The following SH3GL2 variants were observed in gnomAD, a reference collection of about 807,000 sequenced individuals.
SH3GL2 encodes the protein SH3 domain containing GRB2 like 2, endophilin A1.
SH3GL2 carries 24 observed loss-of-function variants against 46.0 expected under a neutral mutation model. The observed-to-expected ratio is 0.52, with a 90% CI of 0.38 to 0.73. The LOEUF (loss-of-function observed/expected upper bound fraction) is 0.73, where lower values mean the gene tolerates loss of function less well. Among genes scored for constraint, SH3GL2 ranks in the 30% least tolerant of loss-of-function variants. The pLI is 0.00. For missense variants in SH3GL2, 413 were observed against 424.2 expected, an observed-to-expected ratio of 0.97 and a Z score of 0.23; for synonymous variants, 196 against 147.1, an observed-to-expected ratio of 1.33 and a Z score of -2.40.
chr9:17,689,605 C>T (rs1480808086), intron 1 of SH3GL2, among the ~76,000 whole-genome samples: 1 of 151,646 alleles, frequency 6.6e-6, no homozygotes, highest in Non-Finnish European at 1.5e-5. Context: ...GCCCCTCCTC[C>T]TTAGCACTGT....
chr9:17,603,813 T>C (rs531200021), intron 1 of SH3GL2, among the ~76,000 whole-genome samples: 2 of 152,200 alleles, frequency 1.3e-5, no homozygotes, highest in East Asian at 3.9e-4. Flanking sequence ...TGTGGTGAGC[T>C]GAGATCGTGC....
chr9:17,791,452 C>T (rs1824127764), intron 7 of SH3GL2, 118 bp downstream of exon 7: 2 of 717,054 alleles, frequency 2.8e-6, no homozygotes, highest in East Asian at 2.6e-5. Context: ...TCCGCTTATC[C>T]TACAGAGGCG....
At position 17,713,746 on chromosome 9, in the gene SH3GL2, G is replaced by A. The variant is rs1039741776; in HGVS notation, c.46-33320G>A. Among the ~76,000 whole-genome samples, 4 of 151,618 alleles carry A rather than the reference G, an allele frequency of 2.6e-5. No individual in the cohort carries two copies. The South Asian group carries it at 6.2e-4, about 24-fold the overall frequency. On this transcript the variant is annotated intron_variant, in intron 1 of 8. Transcript: ENST00000380607. Reference sequence around the variant, plus strand: ...ATTCCATTGTGGTTAGAGAAAATACGTTATAGAACTTGAATCCTTTTAAAT... The same window carrying A: ...ATTCCATTGTGGTTAGAGAAAATACATTATAGAACTTGAATCCTTTTAAAT...
At chr9:17,599,238 T>C (rs547321436) in intron 1 of SH3GL2, among the ~76,000 whole-genome samples, 54 of 152,284 alleles carry the variant, frequency 3.5e-4, no homozygotes, top group African/African-American at 1.2e-3. Flanking sequence ...ACATAACATA[T>C]CATGCAGAGA....
chr9:17,689,187 C>T (rs1290566890), intron 1 of SH3GL2, among the ~76,000 whole-genome samples: 10 of 152,086 alleles, frequency 6.6e-5, no homozygotes, highest in Admixed American at 6.6e-4. Context: ...CACCAGAAAA[C>T]CCCCAACAGA....
intron 1 of SH3GL2, among the ~76,000 whole-genome samples, chr9:17,587,418 T>C (rs1818398920): frequency 6.6e-6 from 1 of 152,184 alleles, no homozygotes; most frequent in Non-Finnish European, 1.5e-5. Flanking sequence ...TTCTTTCTTA[T>C]ATATATTTGG....
At chr9:17,645,390 A>G (rs1819790283) in intron 1 of SH3GL2, among the ~76,000 whole-genome samples, 1 of 152,032 alleles carries the variant, frequency 6.6e-6, no homozygotes, top group African/African-American at 2.4e-5. Flanking sequence ...TAATATTCTT[A>G]TGTGTGAATT....
chr9:17,761,288 T>A (rs912556000), intron 2 of SH3GL2, 149 bp from the exon 3 acceptor site: 2 of 644,642 alleles, frequency 3.1e-6, no homozygotes, highest in Non-Finnish European at 5.6e-6. Context: ...TCAGCATGAC[T>A]TCCAGCCGCG....
At chr9:17,607,084 C>T (rs1290898579) in intron 1 of SH3GL2, among the ~76,000 whole-genome samples, 4 of 152,062 alleles carry the variant, frequency 2.6e-5, no homozygotes, top group Non-Finnish European at 5.9e-5. Context: ...ATGATAGTTC[C>T]TTAAAATTAT....
In SH3GL2 at chr9:17,711,156, C is replaced by T. The variant is rs770404247; in HGVS notation, c.46-35910C>T. ...GTAAGGTGCTTCAAAGGATGCCTGA[C>T]ACAGTAACTCCTCAGTAAATGTGAG... On this transcript the variant is annotated intron_variant, in intron 1 of 8. Transcript: ENST00000380607. Among the ~76,000 whole-genome samples the T allele has an allele frequency of 4.6e-5, 7 of 151,856 alleles. No homozygotes were observed. The South Asian group carries it at 6.2e-4, about 13-fold the overall frequency.
chr9:17,678,398 T>A (rs1006983969), intron 1 of SH3GL2, among the ~76,000 whole-genome samples: 6 of 152,230 alleles, frequency 3.9e-5, no homozygotes, highest in African/African-American at 1.4e-4. Flanking sequence ...ATGATGAGCA[T>A]TTTTTCATGT....
At position 17,726,879 on chromosome 9, in the gene SH3GL2, G is replaced by A. The variant is rs558127957; in HGVS notation, c.46-20187G>A. ...GACTATAAGTTGGTATAACTCCTTC[G>A]GGGAGGAATGCAGCAGTAACAAAAT... On this transcript the variant is annotated intron_variant, in intron 1 of 8. Transcript: ENST00000380607. Among the ~76,000 whole-genome samples, 5 of 152,200 alleles carry A rather than the reference G, an allele frequency of 3.3e-5. No homozygotes were observed. The South Asian group carries it at 8.3e-4, about 25-fold the overall frequency.
intron 1 of SH3GL2, among the ~76,000 whole-genome samples, chr9:17,648,769 A>G (rs1053875615): frequency 6.6e-6 from 1 of 152,230 alleles, no homozygotes; most frequent in Non-Finnish European, 1.5e-5. Flanking sequence ...AATGTTCAAA[A>G]GAGTTTCCTA....
chr9:17,630,041 T>C (rs1212851997), intron 1 of SH3GL2, among the ~76,000 whole-genome samples: 2 of 152,154 alleles, frequency 1.3e-5, no homozygotes, highest in Non-Finnish European at 2.9e-5. Flanking sequence ...ATAAAAAGCC[T>C]CATGTTTTGC....
intron 1 of SH3GL2, among the ~76,000 whole-genome samples, chr9:17,629,078 A>T (rs979535579): frequency 5.3e-5 from 8 of 151,300 alleles, no homozygotes; most frequent in African/African-American, 1.9e-4. Flanking sequence ...ATGAATTGGG[A>T]TGTTGACCTT....
chr9:17,712,871 C>T (rs1481428866), intron 1 of SH3GL2, among the ~76,000 whole-genome samples: 1 of 136,748 alleles, frequency 7.3e-6, no homozygotes, highest in Non-Finnish European at 1.5e-5. Flanking sequence ...ACTCACTCAT[C>T]CATCTCACTA....
At position 17,767,486 on chromosome 9, in the gene SH3GL2, G is replaced by T. The variant is rs575537030; in HGVS notation, c.187+5977G>T. Among the ~76,000 whole-genome samples, 10 of 152,248 alleles carry T rather than the reference G, an allele frequency of 6.6e-5. 1 individual carries two copies. In the East Asian group the frequency reaches 1.7e-3, roughly 26 times the overall value. On this transcript the variant is annotated intron_variant, in intron 3 of 8. Coordinates refer to ENST00000380607, the MANE Select transcript of SH3GL2 (RefSeq NM_003026.5). Reference sequence around the variant, plus strand: ...ACTGTGGAACTGAAAATGAATACATGTATTACTTGGCATTCATGTAGACAA... The same window carrying T: ...ACTGTGGAACTGAAAATGAATACATTTATTACTTGGCATTCATGTAGACAA...
At chr9:17,792,584 A>G (rs1279835021) in intron 7 of SH3GL2, among the ~76,000 whole-genome samples, 3 of 152,066 alleles carry the variant, frequency 2.0e-5, no homozygotes, top group South Asian at 4.1e-4. Context: ...CCTCCTCCCT[A>G]TATTTCAAAC....
chr9:17,713,333 AT>A (rs1223248963), intron 1 of SH3GL2, among the ~76,000 whole-genome samples: 1 of 151,344 alleles, frequency 6.6e-6, no homozygotes, highest in Non-Finnish European at 1.5e-5. Flanking sequence ...AATTTTATTG[AT>A]CTTCTCAAAT....
Sources: allele counts gnomAD v4.1 joint callset (sites outside exome capture counted in the v4.1 genomes callset), GRCh38; gene constraint gnomAD v4.1.1; transcripts MANE v1.5; gene names NCBI Gene and HGNC (gene_info 2026-07-23, HGNC 2026-07-21).